DDX10: variants seen among roughly 807,000 people sequenced by gnomAD.
DDX10 encodes probable ATP-dependent RNA helicase DDX10.
DDX10 carries 74 observed loss-of-function variants against 104.3 expected under a neutral mutation model. That is an observed-to-expected ratio of 0.71 (90% CI 0.59 to 0.86). DDX10 has a LOEUF of 0.86. DDX10 is among the 40% of genes least tolerant of loss of function. DDX10 has a pLI of 0.00. For missense variants in DDX10, 952 were observed against 1,040.0 expected (o/e 0.92, Z 1.16); for synonymous variants, 351 against 353.4 (o/e 0.99, Z 0.08).
chr11:108,846,821 A>ACCAGACCAGACCAGG (rs1460415225), intron 15 of DDX10, among the ~76,000 whole-genome samples: 1 of 8,002 alleles, frequency 1.2e-4, no homozygotes, highest in Non-Finnish European at 4.3e-4. Context: ...TAGAGTACAA[A>ACCAGACCAGACCAGG]CCAGACCAGA....
At chr11:108,849,494 G>A (rs1862763615) in intron 15 of DDX10, among the ~76,000 whole-genome samples, 1 of 151,942 alleles carries the variant, frequency 6.6e-6, no homozygotes, top group Admixed American at 6.6e-5. Flanking sequence ...TTTCTTTTCT[G>A]GAAGCTAAGG....
intron 13 of DDX10, among the ~76,000 whole-genome samples, chr11:108,830,682 G>GT (rs1214949322): frequency 6.6e-6 from 1 of 152,146 alleles, no homozygotes; most frequent in Non-Finnish European, 1.5e-5. Flanking sequence ...TTAGTTGTGG[G>GT]TTTGTTGTAG....
Position 108,679,510 on chromosome 11 carries a change from G to C in DDX10, c.798G>C (p.Leu266Phe). The C allele has an allele frequency of 6.2e-7, 1 of 1,612,436 alleles. No homozygotes were observed. The highest frequency in any genetic ancestry group is 8.5e-7 in the Non-Finnish European group (1 of 1,179,600). Residue 266 changes from leucine to phenylalanine, a missense_variant, in exon 6 of 18, where the codon TTG becomes TTC. Leu to Phe is a conservative substitution (Grantham distance 22). Transcript: ENST00000322536. Reference sequence around the variant, plus strand: ...AATCTGTAAAGGACCTTGCACGCTTGAGTTTGAAAAACCCTGAGTATGTCT... The same window carrying C: ...AATCTGTAAAGGACCTTGCACGCTTCAGTTTGAAAAACCCTGAGTATGTCT... ...QTKSVKDLARLSLKNPEYVWV... is the reference protein window; with the variant it reads ...QTKSVKDLARFSLKNPEYVWV...
intron 13 of DDX10, among the ~76,000 whole-genome samples, chr11:108,826,384 A>G (rs1862395471): frequency 6.6e-6 from 1 of 152,142 alleles, no homozygotes; most frequent in East Asian, 1.9e-4. Context: ...GACATTGTTT[A>G]CTATTATACT....
At chr11:108,774,073 C>T (rs562022246) in intron 13 of DDX10, among the ~76,000 whole-genome samples, 1 of 152,170 alleles carries the variant, frequency 6.6e-6, no homozygotes, top group Non-Finnish European at 1.5e-5. Flanking sequence ...CAAATTATTC[C>T]TAAGCTAGTA....
At chr11:108,828,365 A>G (rs1862425201) in intron 13 of DDX10, among the ~76,000 whole-genome samples, 1 of 152,094 alleles carries the variant, frequency 6.6e-6, no homozygotes, top group African/African-American at 2.4e-5. Context: ...TTGTGTCCTT[A>G]TAAGTTAGCT....
At chr11:108,810,754 A>G (rs1862168307) in intron 13 of DDX10, among the ~76,000 whole-genome samples, 1 of 152,196 alleles carries the variant, frequency 6.6e-6, no homozygotes, top group Non-Finnish European at 1.5e-5. Context: ...GGGAATTTTA[A>G]CTATCTTTTT....
rs1360071370 is a variant in DDX10 at position 108,691,866 on chromosome 11, G to A, written c.976-10G>A. 1 of 1,608,504 alleles carries A rather than the reference G, an allele frequency of 6.2e-7. No individual in the cohort carries two copies. Among genetic ancestry groups the A allele is most frequent in the Non-Finnish European group, 8.5e-7 (1 of 1,177,740 alleles). ...CCATAAGCAAACTTATTCTTCTGTTGATGCCCCAGGTCCAGTATCTGTACC... is the reference window on the plus strand; with the variant it reads ...CCATAAGCAAACTTATTCTTCTGTTAATGCCCCAGGTCCAGTATCTGTACC... On this transcript the variant is annotated splice_polypyrimidine_tract_variant and intron_variant, in intron 7 of 17. Coordinates refer to ENST00000322536, the MANE Select transcript of DDX10 (RefSeq NM_004398.4).
intron 6 of DDX10, among the ~76,000 whole-genome samples, chr11:108,681,523 G>A (rs1248978677): frequency 6.6e-6 from 1 of 152,102 alleles, no homozygotes; most frequent in Non-Finnish European, 1.5e-5. Flanking sequence ...TATCAATGTG[G>A]TTCATACACC....
intron 9 of DDX10, among the ~76,000 whole-genome samples, chr11:108,701,399 T>C (rs1463670377): frequency 6.6e-6 from 1 of 152,120 alleles, no homozygotes; most frequent in African/African-American, 2.4e-5. Flanking sequence ...AAGAGAGGAC[T>C]GTGCGATAGT....
chr11:108,682,125 G>C (rs2094236166), intron 6 of DDX10, among the ~76,000 whole-genome samples: 1 of 151,836 alleles, frequency 6.6e-6, no homozygotes, highest in South Asian at 2.1e-4. Flanking sequence ...TGTTTTTTGA[G>C]ATGGAGTCTT....
At chr11:108,773,957 C>G (rs971028448) in intron 13 of DDX10, among the ~76,000 whole-genome samples, 1 of 152,140 alleles carries the variant, frequency 6.6e-6, no homozygotes, top group African/African-American at 2.4e-5. Flanking sequence ...CCCAGAGACA[C>G]AAAGAATGGT....
At chr11:108,761,070 TAA>T (rs2094350298) in intron 13 of DDX10, among the ~76,000 whole-genome samples, 1 of 152,122 alleles carries the variant, frequency 6.6e-6, no homozygotes, top group South Asian at 2.1e-4. Context: ...ATATAAGGTA[TAA>T]AATGAAAATA....
At chr11:108,792,587 T>A (rs187321559) in intron 13 of DDX10, among the ~76,000 whole-genome samples, 1 of 152,318 alleles carries the variant, frequency 6.6e-6, no homozygotes, top group East Asian at 1.9e-4. Context: ...TACATTTCTC[T>A]TTCTGGAGTG....
At chr11:108,894,035 TAA>T (rs1170896073) in intron 16 of DDX10, among the ~76,000 whole-genome samples, 1 of 152,042 alleles carries the variant, frequency 6.6e-6, no homozygotes, top group Non-Finnish European at 1.5e-5. Context: ...CAGCAAACTG[TAA>T]AGGGATGGAA....
chr11:108,801,128 GTT>G (rs1237642656), intron 13 of DDX10, among the ~76,000 whole-genome samples: 1 of 152,142 alleles, frequency 6.6e-6, no homozygotes, highest in Admixed American at 6.5e-5. Flanking sequence ...GCTTTGGAGT[GTT>G]AGAATGGGTA....
intron 9 of DDX10, among the ~76,000 whole-genome samples, chr11:108,704,099 C>T (rs2094272395): frequency 2.0e-5 from 3 of 152,270 alleles, no homozygotes; most frequent in East Asian, 1.9e-4. Flanking sequence ...AGTCCTGACT[C>T]ATCCTCCCAG....
intron 15 of DDX10, among the ~76,000 whole-genome samples, chr11:108,848,382 A>T (rs117810640): frequency 6.6e-6 from 1 of 152,156 alleles, no homozygotes; most frequent in Non-Finnish European, 1.5e-5. Flanking sequence ...AGGACAAGGG[A>T]CTCAGTATCT....
At chr11:108,918,305 TCTTA>T in intron 17 of DDX10, 2 of 391,386 alleles carry the variant, frequency 5.1e-6, no homozygotes, top group Non-Finnish European at 9.0e-6. Context: ...TTTTTTTTTT[TCTTA>T]TCTTTCTCTG....
Sources: gnomAD v4.1 joint callset for allele counts (sites outside exome capture counted in the v4.1 genomes callset) on GRCh38, gnomAD v4.1.1 for gene constraint, MANE v1.5 for transcripts, NCBI Gene and HGNC (gene_info 2026-07-23, HGNC 2026-07-21) for gene names.